AGAP1: variants seen among roughly 807,000 people sequenced by gnomAD.
The protein encoded by AGAP1 is arf-GAP with GTPase, ANK repeat and PH domain-containing protein 1.
AGAP1 carries 29 observed loss-of-function variants against 105.3 expected under a neutral mutation model. The ratio of observed to expected loss-of-function variants is 0.28; its 90% confidence interval spans 0.21 to 0.38. The LOEUF is 0.38. AGAP1 is among the 10% of genes least tolerant of loss of function. AGAP1 has a pLI of 1.00. For synonymous variants in AGAP1, 509 were observed against 485.9 expected, an observed-to-expected ratio of 1.05 and a Z score of -0.63; for missense variants, 998 against 1,165.1, an observed-to-expected ratio of 0.86 and a Z score of 2.09.
chr2:236,075,949 T>C (rs980320275), intron 16 of AGAP1, among the ~76,000 whole-genome samples: 4 of 152,190 alleles, frequency 2.6e-5, no homozygotes, highest in African/African-American at 4.8e-5. Flanking sequence ...GCAGGGGCCA[T>C]GCTGCAGAGG....
At chr2:235,995,932 G>T (rs1335862517) in intron 13 of AGAP1, among the ~76,000 whole-genome samples, 2 of 152,128 alleles carry the variant, frequency 1.3e-5, no homozygotes, top group African/African-American at 4.8e-5. Context: ...TGTGCAGTAG[G>T]TCTGGAGGTC....
rs1287061809 is a variant in AGAP1, at chr2:236,089,343, C to T, written c.2115-30849C>T. Among the ~76,000 whole-genome samples the T allele has an allele frequency of 6.6e-6, 1 of 152,260 alleles. No individual in the cohort carries two copies. The highest frequency in any genetic ancestry group is 1.5e-5 in the Non-Finnish European group (1 of 68,050). On this transcript the variant is annotated intron_variant, in intron 16 of 17. Transcript: ENST00000304032. The surrounding 1 kb of genome is among the most constrained non-coding windows in gnomAD (Gnocchi z 5.6). The stretch of plus-strand genomic sequence containing the variant: ...ATTCCTTGCTCTTCCGTAAAGGACA[C>T]ATGTGTCTCTGTGCCTCTCAGTCTC...
At chr2:235,844,750 C>T (rs1180929921) in intron 9 of AGAP1, among the ~76,000 whole-genome samples, 1 of 152,196 alleles carries the variant, frequency 6.6e-6, no homozygotes, top group East Asian at 1.9e-4. Flanking sequence ...TTCCATCCAT[C>T]ACTCATCCAC....
At chr2:235,841,626 A>G (rs1960855681) in intron 9 of AGAP1, among the ~76,000 whole-genome samples, 1 of 152,202 alleles carries the variant, frequency 6.6e-6, no homozygotes, top group African/African-American at 2.4e-5. Flanking sequence ...GAGCAAGACC[A>G]TGTCTGAAAA....
chr2:235,915,242 A>G (rs964829862), intron 11 of AGAP1, among the ~76,000 whole-genome samples: 4 of 152,238 alleles, frequency 2.6e-5, no homozygotes, highest in African/African-American at 7.2e-5. Flanking sequence ...GGGAACCAAC[A>G]GTAAAATGTG....
chr2:235,831,377 G>A (rs1217344670), intron 9 of AGAP1, among the ~76,000 whole-genome samples: 2 of 152,118 alleles, frequency 1.3e-5, no homozygotes, highest in Non-Finnish European at 2.9e-5. Flanking sequence ...TGTGTTCTGT[G>A]AATCTGGACA....
rs966619734 is a variant in AGAP1 at position 235,609,514 on chromosome 2, C to T, written c.164-99665C>T. On this transcript the variant is annotated intron_variant, in intron 1 of 17. Coordinates refer to ENST00000304032, the MANE Select transcript of AGAP1 (RefSeq NM_001037131.3). The surrounding 1 kb of genome is among the most constrained non-coding windows in gnomAD (Gnocchi z 5.1). ...GAGGGAGTGGGGAAGGCAGGCTGGG[C>T]GTGCTGTGGTTATAGGCAGCCTACA... 3.9e-5 allele frequency among the ~76,000 whole-genome samples: 6 copies of T among 152,010 alleles called. No homozygotes were observed. Among genetic ancestry groups the T allele is most frequent in the African/African-American group, 7.2e-5 (3 of 41,400 alleles).
At chr2:235,869,420 T>TAAAAAAAAAAAAAAAA (rs35813316) in intron 9 of AGAP1, among the ~76,000 whole-genome samples, 3 of 49,946 alleles carry the variant, frequency 6.0e-5, no homozygotes, top group Non-Finnish European at 1.1e-4. Flanking sequence ...CCATCTCTAC[T>TAAAAAAAAAAAAAAAA]AAAAAAAAAA....
intron 1 of AGAP1, among the ~76,000 whole-genome samples, chr2:235,674,744 C>A (rs1217766482): frequency 1.4e-5 from 2 of 147,110 alleles, no homozygotes; most frequent in African/African-American, 5.1e-5. Context: ...GGCTGGAGTG[C>A]AGTGAGCGAT....
rs2149149448 is a variant in AGAP1 at position 235,566,343 on chromosome 2, A to G, written c.163+71494A>G. Among the ~76,000 whole-genome samples, 1 of 152,284 alleles carries G rather than the reference A, an allele frequency of 6.6e-6. No individual in the cohort carries two copies. The highest frequency in any genetic ancestry group is 2.1e-4 in the South Asian group (1 of 4,826). ...CTTGGCCTCCTAAAGTGTTGGGATT[A>G]CAGATATAAGCCATCACGCCCGGCC... On this transcript the variant is annotated intron_variant, in intron 1 of 17. Transcript: ENST00000304032. The surrounding 1 kb of genome is among the most constrained non-coding windows in gnomAD (Gnocchi z 5.2).
At chr2:235,876,278 C>A (rs941689775) in intron 9 of AGAP1, among the ~76,000 whole-genome samples, 1 of 152,140 alleles carries the variant, frequency 6.6e-6, no homozygotes, top group Non-Finnish European at 1.5e-5. Flanking sequence ...ATGAACTAGT[C>A]AACCTATTAA....
chr2:236,076,227 A>T lies in AGAP1; in HGVS notation c.2114+26946A>T, dbSNP rs2058632342. Among the ~76,000 whole-genome samples, 2 of 152,186 alleles carry T rather than the reference A, an allele frequency of 1.3e-5. No homozygotes were observed. Among genetic ancestry groups the T allele is most frequent in the African/African-American group, 4.8e-5 (2 of 41,450 alleles). On this transcript the variant is annotated intron_variant, in intron 16 of 17. Transcript: ENST00000304032. This position sits in a 1 kb window ranked among gnomAD's most constrained non-coding sequence, Gnocchi z 4.4. ...CACTTTGAGAGGCCAAAGTGGGTGG[A>T]TCACTTGAGGTCAGGAGTTCGAGAC...
rs1425564830 is a variant in AGAP1, at chr2:236,125,266, G to A, written c.*1144G>A. The A allele has an allele frequency of 1.3e-5, 2 of 152,914 alleles. No individual in the cohort carries two copies. The highest frequency in any genetic ancestry group is 2.4e-5 in the African/African-American group (1 of 41,432). 9.5% of individuals were successfully genotyped at this position (152,914 alleles called of 1,614,324 possible). ...AGTTCATAAATATGCATTGATTTTT[G>A]TACAGACAAATGGCACCTCTCTTAA... On this transcript the variant is annotated 3_prime_UTR_variant, in exon 18 of 18. Transcript: ENST00000304032. The surrounding 1 kb of genome is among the most constrained non-coding windows in gnomAD (Gnocchi z 5.2).
In AGAP1 at chr2:235,733,143, G is replaced by C. The variant is rs1952046887; in HGVS notation, c.311-7820G>C. ...CTTCCAGGTTCCCTTCACCCATCCT[G>C]CGGGGTGGGAGGAATATATCATTGT... is the stretch of plus-strand genomic sequence containing the variant. On this transcript the variant is annotated intron_variant, in intron 3 of 17. Coordinates refer to ENST00000304032, the MANE Select transcript of AGAP1 (RefSeq NM_001037131.3). The surrounding 1 kb of genome is among the most constrained non-coding windows in gnomAD (Gnocchi z 5.0). Among the ~76,000 whole-genome samples the C allele has an allele frequency of 6.6e-6, 1 of 152,176 alleles. No individual in the cohort carries two copies. The highest frequency in any genetic ancestry group is 2.4e-5 in the African/African-American group (1 of 41,450).
intron 11 of AGAP1, among the ~76,000 whole-genome samples, chr2:235,918,902 AC>A (rs1334297443): frequency 6.6e-6 from 1 of 152,212 alleles, no homozygotes; most frequent in Non-Finnish European, 1.5e-5. Flanking sequence ...GAAAGAACCA[AC>A]TAAAGCAACT....
chr2:235,882,558 G>A lies in AGAP1; in HGVS notation c.1051-787G>A. 1.3e-6 allele frequency: 1 copy of A among 773,990 alleles called. No homozygotes were observed. The highest frequency in any genetic ancestry group is 2.1e-6 in the Non-Finnish European group (1 of 486,542). The allele number at this position is 773,990 out of a possible 1,614,324, so 47.9% of individuals were successfully genotyped here. ...GCTCACTGCAACACTCTGCCTCCTG[G>A]GTTCAAGCAATTCCCCTGCTCAGCC... On this transcript the variant is annotated intron_variant, in intron 9 of 17. Transcript: ENST00000304032. The surrounding 1 kb of genome is among the most constrained non-coding windows in gnomAD (Gnocchi z 4.6).
At chr2:236,103,516 CT>C (rs999033178) in intron 16 of AGAP1, among the ~76,000 whole-genome samples, 48 of 150,858 alleles carry the variant, frequency 3.2e-4, no homozygotes, top group Non-Finnish European at 5.3e-4. Context: ...CTTTTCTTTT[CT>C]TTTTTTTCTT....
At chr2:235,925,479 G>A (rs80116843) in intron 11 of AGAP1, among the ~76,000 whole-genome samples, 4,906 of 152,194 alleles carry the variant, frequency 0.032, 310 homozygotes, top group African/African-American at 0.11. Flanking sequence ...GGGTTGGGGC[G>A]TGGCTTCCTG....
At chr2:235,978,304 G>A (rs754135554) in intron 13 of AGAP1, among the ~76,000 whole-genome samples, 13 of 148,832 alleles carry the variant, frequency 8.7e-5, no homozygotes, top group Admixed American at 2.7e-4. Flanking sequence ...ACTCACCCAC[G>A]CACCATATGC....
Sources: gnomAD v4.1 joint callset for allele counts (sites outside exome capture counted in the v4.1 genomes callset) on GRCh38, gnomAD v4.1.1 for gene constraint, Gnocchi (gnomAD v3.1) non-coding constraint, MANE v1.5 for transcripts, NCBI Gene and HGNC (gene_info 2026-07-23, HGNC 2026-07-21) for gene names.